ROBO1: variants seen among roughly 807,000 people sequenced by gnomAD.
ROBO1 encodes the protein roundabout homolog 1.
ROBO1 carries 149 observed loss-of-function variants against 195.9 expected under a neutral mutation model. The ratio of observed to expected loss-of-function variants is 0.76; its 90% CI spans 0.67 to 0.87. The LOEUF is 0.87. Ranked by LOEUF, ROBO1 falls within the 40% of genes least tolerant of loss-of-function variation. The pLI is 0.00. For missense variants in ROBO1, 1,933 were observed against 2,068.3 expected (o/e 0.93, Z 1.27); for synonymous variants, 816 against 733.2 (o/e 1.11, Z -1.82).
At chr3:79,629,544 A>G (rs1342841447) in intron 1 of ROBO1, among the ~76,000 whole-genome samples, 3 of 152,096 alleles carry the variant, frequency 2.0e-5, no homozygotes, top group Non-Finnish European at 2.9e-5. Flanking sequence ...AAATACAGAA[A>G]TATCTCAAAT....
rs541843072 is a variant in ROBO1 at position 79,265,962 on chromosome 3, C to CA, written c.89-140424dup. Among the ~76,000 whole-genome samples the CA allele has an allele frequency of 5.8e-4, 88 of 150,588 alleles. 1 individual carries two copies. The highest frequency in any genetic ancestry group is 3.1e-3 in the East Asian group (16 of 5,118). ...AATCCATGACAAGAAAACAAAGTAT[C>CA]AAAAAAAATCAATTTAAAAGTAATG... On this transcript the variant is annotated intron_variant, in intron 2 of 30. Transcript: ENST00000464233.
chr3:79,443,050 C>A (rs540060633), intron 2 of ROBO1, among the ~76,000 whole-genome samples: 2 of 152,232 alleles, frequency 1.3e-5, no homozygotes, highest in African/African-American at 4.8e-5. Flanking sequence ...TCCTTAGAAT[C>A]TTATCAAGTT....
intron 2 of ROBO1, among the ~76,000 whole-genome samples, chr3:79,322,347 G>T (rs1011274096): frequency 1.3e-5 from 2 of 152,150 alleles, no homozygotes; most frequent in Admixed American, 6.5e-5. Flanking sequence ...GTATACGTTA[G>T]TATTTTAAAT....
chr3:79,694,750 C>T (rs1218195346), intron 1 of ROBO1, among the ~76,000 whole-genome samples: 1 of 151,530 alleles, frequency 6.6e-6, no homozygotes, highest in Non-Finnish European at 1.5e-5. Context: ...TAACAACATA[C>T]AATATATGAA....
Position 79,470,465 on chromosome 3 carries a change from C to T in ROBO1, c.88+119359G>A, listed in dbSNP as rs543293923. On this transcript the variant is annotated intron_variant, in intron 2 of 30. Coordinates refer to ENST00000464233, the MANE Select transcript of ROBO1 (RefSeq NM_002941.4). The stretch of plus-strand genomic sequence containing the variant: ...TAGGAGATATACCTAATGTAAATGA[C>T]GAGTTAATGGGTGCAGTACACCAAC... Among the ~76,000 whole-genome samples the T allele has an allele frequency of 5.9e-5, 9 of 152,068 alleles. No homozygotes were observed. In the South Asian group the frequency reaches 6.3e-4, roughly 11 times the overall value.
At chr3:79,546,436 G>T (rs1213718728) in intron 2 of ROBO1, among the ~76,000 whole-genome samples, 1 of 152,064 alleles carries the variant, frequency 6.6e-6, no homozygotes, top group Non-Finnish European at 1.5e-5. Context: ...GCTCTCGAAA[G>T]ACAAAGATAA....
At position 78,600,346 on chromosome 3, in the gene ROBO1, A is replaced by G. The variant is rs756193784; in HGVS notation, c.4745-37T>C. 4.6e-6 allele frequency: 6 copies of G among 1,297,370 alleles called. No individual in the cohort carries two copies. The South Asian group carries it at 7.3e-5, about 16-fold the overall frequency. The allele number at this position is 1,297,370 out of a possible 1,614,324, so 80.4% of individuals were successfully genotyped here. ...AATATAATAAATGCAGGTGAGTACCATCATACACTTTCACTGTATATTGTA... is the reference window on the plus strand; with the variant it reads ...AATATAATAAATGCAGGTGAGTACCGTCATACACTTTCACTGTATATTGTA... On this transcript the variant is annotated intron_variant, in intron 29 of 30. Transcript: ENST00000464233.
chr3:78,973,613 A>T (rs2076822413), intron 3 of ROBO1, among the ~76,000 whole-genome samples: 1 of 147,144 alleles, frequency 6.8e-6, no homozygotes, highest in African/African-American at 2.5e-5. Context: ...TCTTAGGTTA[A>T]TAACAGCTTG....
chr3:78,689,347 T>G (rs780282824), intron 8 of ROBO1, among the ~76,000 whole-genome samples: 1 of 152,182 alleles, frequency 6.6e-6, no homozygotes, highest in Non-Finnish European at 1.5e-5. Context: ...GAGGGAAAAT[T>G]TGAAACATCT....
intron 2 of ROBO1, among the ~76,000 whole-genome samples, chr3:79,194,594 TTGG>T (rs2081599397): frequency 6.6e-6 from 1 of 151,666 alleles, no homozygotes; most frequent in African/African-American, 2.4e-5. Flanking sequence ...ATGCTTGACG[TTGG>T]CATATATATA....
intron 3 of ROBO1, among the ~76,000 whole-genome samples, chr3:79,064,016 T>C (rs2078965031): frequency 6.6e-6 from 1 of 151,804 alleles, no homozygotes; most frequent in South Asian, 2.1e-4. Flanking sequence ...AAAATTCTGG[T>C]GTCTTATTAC....
intron 2 of ROBO1, among the ~76,000 whole-genome samples, chr3:79,442,056 A>C (rs2039072094): frequency 6.6e-6 from 1 of 152,136 alleles, no homozygotes; most frequent in South Asian, 2.1e-4. Flanking sequence ...AAAGAATATA[A>C]TCTCTCGGCT....
intron 5 of ROBO1, 76 bp from the exon 6 acceptor site, chr3:78,717,959 G>A (rs2081945087): frequency 1.4e-6 from 2 of 1,398,118 alleles, no homozygotes; most frequent in South Asian, 1.2e-5. Context: ...CTTCATAAGT[G>A]AAGACTGCTT....
chr3:79,481,658 C>G (rs543004052), intron 2 of ROBO1, among the ~76,000 whole-genome samples: 10 of 152,194 alleles, frequency 6.6e-5, no homozygotes, highest in African/African-American at 2.4e-4. Context: ...ATTTTCGAAC[C>G]ATTTTTAGTG....
At chr3:78,894,936 G>C (rs1416801844) in intron 4 of ROBO1, among the ~76,000 whole-genome samples, 1 of 152,230 alleles carries the variant, frequency 6.6e-6, no homozygotes, top group Non-Finnish European at 1.5e-5. Flanking sequence ...CTATTGCAGT[G>C]GATGAGCTTT....
chr3:79,464,482 C>T (rs180917368), intron 2 of ROBO1, among the ~76,000 whole-genome samples: 29 of 152,224 alleles, frequency 1.9e-4, no homozygotes, highest in Non-Finnish European at 3.5e-4. Context: ...AGAGATATCT[C>T]GTTTGGGTTT....
At chr3:79,366,550 A>T (rs1411786065) in intron 2 of ROBO1, among the ~76,000 whole-genome samples, 1 of 152,168 alleles carries the variant, frequency 6.6e-6, no homozygotes, top group Non-Finnish European at 1.5e-5. Flanking sequence ...GCAAGAGAGC[A>T]ATGTTTTATA....
chr3:78,852,034 T>C (rs1006693729), intron 4 of ROBO1, among the ~76,000 whole-genome samples: 1 of 152,090 alleles, frequency 6.6e-6, no homozygotes, highest in Non-Finnish European at 1.5e-5. Context: ...ATATTTTAAA[T>C]TTAAGAAACA....
chr3:79,091,429 G>A (rs1281950078), intron 3 of ROBO1, among the ~76,000 whole-genome samples: 1 of 152,032 alleles, frequency 6.6e-6, no homozygotes, highest in East Asian at 1.9e-4. Flanking sequence ...TCTAGATAAA[G>A]TATAAAATAA....
Sources: gnomAD v4.1 joint callset for allele counts (sites outside exome capture counted in the v4.1 genomes callset) on GRCh38, gnomAD v4.1.1 for gene constraint, MANE v1.5 for transcripts, NCBI Gene and HGNC (gene_info 2026-07-23, HGNC 2026-07-21) for gene names.